NR0B1: variants seen among roughly 807,000 people sequenced by gnomAD.
NR0B1 encodes the protein nuclear receptor subfamily 0 group B member 1.
NR0B1 carries 3 observed loss-of-function variants against 23.0 expected under a neutral mutation model. The ratio of observed to expected loss-of-function variants is 0.13; its 90% CI spans 0.06 to 0.34. The LOEUF is 0.34. Ranked by LOEUF, NR0B1 falls within the 10% of genes least tolerant of loss-of-function variation. The pLI, the probability that NR0B1 is intolerant of heterozygous loss-of-function variation, is 1.00. For missense variants in NR0B1, 350 were observed against 402.9 expected (o/e 0.87, Z 1.12); for synonymous variants, 205 against 184.0 (o/e 1.11, Z -0.92).
At chrX:30,306,151 G>T (rs781073697) in intron 1 of NR0B1, among the ~76,000 whole-genome samples, 3 of 111,398 alleles carry the variant, frequency 2.7e-5, no homozygotes, top group South Asian at 7.7e-4. Flanking sequence ...GAAGAGGCTT[G>T]CATGAAACTC....
At position 30,308,980 on chromosome X, in the gene NR0B1, G is replaced by A; in HGVS notation, c.384C>T (p.Leu128=). Residue 128 remains leucine, a synonymous_variant, in exon 1 of 2, where the codon CTC becomes CTT. Coordinates refer to ENST00000378970, the MANE Select transcript of NR0B1 (RefSeq NM_000475.5). ...AGLPGGRPVA[L]LYRCCFCGED... Reference sequence around the variant, plus strand: ...CACCACAAAAGCAGCAGCGGTACAGGAGTGCCACGGGCCGCCCACCCGGAA... The same window carrying A: ...CACCACAAAAGCAGCAGCGGTACAGAAGTGCCACGGGCCGCCCACCCGGAA... The A allele has an allele frequency of 7.4e-6, 9 of 1,210,022 alleles. No individual in the cohort carries two copies. The highest frequency in any genetic ancestry group is 3.0e-5 in the East Asian group (1 of 33,717).
chrX:30,308,082 G>T, intron 1 of NR0B1, 114 bp downstream of exon 1: 3 of 604,166 alleles, frequency 5.0e-6, no homozygotes, highest in South Asian at 4.8e-5. Flanking sequence ...CTTCACCTTT[G>T]CCCCGACACT....
chrX:30,307,891 G>A (rs751749265), intron 1 of NR0B1, among the ~76,000 whole-genome samples: 1 of 111,994 alleles, frequency 8.9e-6, no homozygotes, highest in Non-Finnish European at 1.9e-5. Flanking sequence ...AGCTAAAGAA[G>A]AAAGAATAAC....
chrX:30,307,845 T>A (rs1246848053), intron 1 of NR0B1, among the ~76,000 whole-genome samples: 1 of 112,416 alleles, frequency 8.9e-6, no homozygotes, highest in African/African-American at 3.2e-5. Flanking sequence ...AGCAAAAACT[T>A]TTTTTAGAAA....
Position 30,308,654 on chromosome X carries a change from T to A in NR0B1, c.710A>T (p.Asp237Val), listed in dbSNP as rs764132319. ...CGGCCGCAGCGCACCAGAGGAGGTGTCCCACCAGGGGGCCCTCGGCCGCTC... is the reference window on the plus strand; with the variant it reads ...CGGCCGCAGCGCACCAGAGGAGGTGACCCACCAGGGGGCCCTCGGCCGCTC... ...PEERPRAPWW[D>V]TSSGALRPVA... Residue 237 changes from aspartate to valine, a missense_variant, in exon 1 of 2, where the codon GAC (aspartate) becomes GTC (valine). Coordinates refer to ENST00000378970, the MANE Select transcript of NR0B1 (RefSeq NM_000475.5). The A allele has an allele frequency of 4.1e-6, 5 of 1,205,165 alleles. No individual in the cohort carries two copies. In the Admixed American group the frequency reaches 8.8e-5, roughly 21 times the overall value.
At position 30,304,368 on chromosome X, in the gene NR0B1, T is replaced by C. The variant is rs1443563312; in HGVS notation, c.*211A>G. The C allele has an allele frequency of 7.4e-6, 3 of 407,740 alleles. No homozygotes were observed. The highest frequency in any genetic ancestry group is 1.3e-5 in the Non-Finnish European group (3 of 238,220). 33.6% of individuals were successfully genotyped at this position (407,740 alleles called of 1,213,427 possible). A position where few individuals can be genotyped will look rare whatever the true frequency, so the allele number is the denominator to read the frequency against. ...TTTTAAAAGATGTACAGAGCTATGC[T>C]ACCTGTTGGCAAATGTCTTCTTTAA... On this transcript the variant is annotated 3_prime_UTR_variant, in exon 2 of 2. Transcript: ENST00000378970.
At position 30,308,528 on chromosome X, in the gene NR0B1, G is replaced by C. The variant is rs1926570030; in HGVS notation, c.836C>G (p.Pro279Arg). 8.3e-7 allele frequency: 1 copy of C among 1,202,528 alleles called. No individual in the cohort carries two copies. The highest frequency in any genetic ancestry group is 1.7e-5 in the African/African-American group (1 of 57,230). The change falls in exon 1 of 2, where the codon CCC (proline) becomes CGC (arginine). Residue 279 changes from proline (P) to arginine (R), a missense_variant. Coordinates refer to ENST00000378970, the MANE Select transcript of NR0B1 (RefSeq NM_000475.5). ...CACCAGCACCAGCTGCTGGTCCAGGGGCAGCACCTGGAAGCAGGGCAAGTA... is the reference window on the plus strand; with the variant it reads ...CACCAGCACCAGCTGCTGGTCCAGGCGCAGCACCTGGAAGCAGGGCAAGTA... ...VKYLPCFQVL[P>R]LDQQLVLVRN...
chrX:30,309,007 C>A lies in NR0B1; in HGVS notation c.357G>T (p.Gly119=), dbSNP rs1926592206. Residue 119 remains glycine, a synonymous_variant, in exon 1 of 2, where the codon GGG becomes GGT. Transcript: ENST00000378970. ...GTGCCACGGGCCGCCCACCCGGAAG[C>A]CCCGCTCTGCCCACCCCGGGATCAG... ...CGSDPGVGRA[G]LPGGRPVALL... 2 of 1,209,561 alleles carry A rather than the reference C, an allele frequency of 1.7e-6. No individual in the cohort carries two copies. Among genetic ancestry groups the A allele is most frequent in the African/African-American group, 3.5e-5 (2 of 57,622 alleles).
At chrX:30,307,345 A>C (rs1220232556) in intron 1 of NR0B1, among the ~76,000 whole-genome samples, 1 of 111,302 alleles carries the variant, frequency 9.0e-6, no homozygotes, top group Non-Finnish European at 1.9e-5. Flanking sequence ...ACAACCTGAA[A>C]GTTTAGTGCA....
At position 30,308,715 on chromosome X, in the gene NR0B1, G is replaced by T; in HGVS notation, c.649C>A (p.Pro217Thr). ...GCCTGCGCTTGATTTGTGCTCGTGGGCACGCAGTAGAGGGTGCTGCCCTGC... is the reference window on the plus strand; with the variant it reads ...GCCTGCGCTTGATTTGTGCTCGTGGTCACGCAGTAGAGGGTGCTGCCCTGC... ...PQQGSTLYCV[P>T]TSTNQAQAAP... Residue 217 changes from proline (P) to threonine (T), a missense_variant, in exon 1 of 2, where the codon CCC (proline) becomes ACC (threonine). Pro to Thr is a conservative substitution (Grantham distance 38). This residue lies in a region of NR0B1 where 298 missense variants were observed against 314.0 expected (regional missense o/e 0.95). Coordinates refer to ENST00000378970, the MANE Select transcript of NR0B1 (RefSeq NM_000475.5). The T allele has an allele frequency of 8.3e-7, 1 of 1,199,370 alleles. No individual in the cohort carries two copies. Among genetic ancestry groups the T allele is most frequent in the South Asian group, 1.8e-5 (1 of 55,200 alleles).
chrX:30,307,645 A>G lies in NR0B1; in HGVS notation c.1168+551T>C, dbSNP rs911663039. On this transcript the variant is annotated intron_variant, in intron 1 of 1. Transcript: ENST00000378970. Reference sequence around the variant, plus strand: ...CCAGATGCTTAGGACCATACAAATAACCATTCAGAGGCAGGCCCATGAAAC... The same window carrying G: ...CCAGATGCTTAGGACCATACAAATAGCCATTCAGAGGCAGGCCCATGAAAC... Among the ~76,000 whole-genome samples the G allele has an allele frequency of 1.7e-4, 19 of 110,852 alleles. No individual in the cohort carries two copies. The Admixed American group carries it at 1.8e-3, about 11-fold the overall frequency.
Position 30,308,764 on chromosome X carries a change from G to C in NR0B1, c.600C>G (p.Cys200Trp), listed in dbSNP as rs143141578. 4.4e-4 allele frequency: 525 copies of C among 1,195,070 alleles called. 1 individual carries two copies. Among genetic ancestry groups the C allele is most frequent in the Non-Finnish European group, 5.8e-4 (514 of 887,873 alleles). The change falls in exon 1 of 2, where the codon TGC becomes TGG. Residue 200 changes from cysteine (C) to tryptophan (W), a missense_variant. Around this residue, in one of 2 missense-constraint regions of NR0B1, gnomAD observed 298 missense variants for 314.0 expected, o/e 0.95. Transcript: ENST00000378970. ...GCTGCGGGTGGTCTTCACCGCAAAA[G>C]CAGCAGCGGTACAGAAGCGCCGTGG... ...GRATALLYRC[C>W]FCGEDHPQQG...
chrX:30,305,699 G>C, intron 1 of NR0B1: 1 of 384,731 alleles, frequency 2.6e-6, no homozygotes. Context: ...GTTTTTATAA[G>C]GAAAGTAATA....
In NR0B1 at chrX:30,304,568, C is replaced by T. The variant is rs2070828768; in HGVS notation, c.*11G>A. 8.3e-7 allele frequency: 1 copy of T among 1,209,447 alleles called. No homozygotes were observed. Among genetic ancestry groups the T allele is most frequent in the Admixed American group, 2.2e-5 (1 of 45,795 alleles). On this transcript the variant is annotated 3_prime_UTR_variant, in exon 2 of 2. Transcript: ENST00000378970. ...GAACTGCACTACTGCACTTGTGTGG[C>T]CCACATGACTTTATATCTTTGTACA...
At position 30,304,367 on chromosome X, in the gene NR0B1, C is replaced by T. The variant is rs1926481564; in HGVS notation, c.*212G>A. 9.9e-6 allele frequency: 4 copies of T among 402,327 alleles called. No homozygotes were observed. The highest frequency in any genetic ancestry group is 1.7e-5 in the Non-Finnish European group (4 of 235,079). 33.2% of individuals were successfully genotyped at this position (402,327 alleles called of 1,213,427 possible). A position where few individuals can be genotyped will look rare whatever the true frequency, so the allele number is the denominator to read the frequency against. ...TTTTTAAAAGATGTACAGAGCTATG[C>T]TACCTGTTGGCAAATGTCTTCTTTA... On this transcript the variant is annotated 3_prime_UTR_variant, in exon 2 of 2. Coordinates refer to ENST00000378970, the MANE Select transcript of NR0B1 (RefSeq NM_000475.5).
chrX:30,307,238 T>C lies in NR0B1; in HGVS notation c.1168+958A>G, dbSNP rs2147005698. Among the ~76,000 whole-genome samples, 2 of 112,189 alleles carry C rather than the reference T, an allele frequency of 1.8e-5. 1 individual carries two copies. The highest frequency in any genetic ancestry group is 7.5e-4 in the South Asian group (2 of 2,671). ...CGCTGGTTGAAGATGATTCTAATAG[T>C]GAGAAACACCCAAGACAAGGTGCCT... On this transcript the variant is annotated intron_variant, in intron 1 of 1. Coordinates refer to ENST00000378970, the MANE Select transcript of NR0B1 (RefSeq NM_000475.5).
Position 30,304,431 on chromosome X carries a change from A to T in NR0B1, c.*148T>A. 3.0e-6 allele frequency: 2 copies of T among 670,775 alleles called. No homozygotes were observed. Among genetic ancestry groups the T allele is most frequent in the Middle Eastern group, 3.6e-4 (1 of 2,795 alleles). The allele number at this position is 670,775 out of a possible 1,213,427, so 55.3% of individuals were successfully genotyped here. Reference sequence around the variant, plus strand: ...GAAATTTGTGACTGTCTGGAATAAAATTATTTCTTTAATTGAATACAAAAA... The same window carrying T: ...GAAATTTGTGACTGTCTGGAATAAATTTATTTCTTTAATTGAATACAAAAA... On this transcript the variant is annotated 3_prime_UTR_variant, in exon 2 of 2. Transcript: ENST00000378970.
At position 30,309,001 on chromosome X, in the gene NR0B1, C is replaced by T. The variant is rs760821998; in HGVS notation, c.363G>A (p.Pro121=). 1 of 1,210,293 alleles carries T rather than the reference C, an allele frequency of 8.3e-7. No homozygotes were observed. Among genetic ancestry groups the T allele is most frequent in the African/African-American group, 1.7e-5 (1 of 57,628 alleles). Residue 121 remains proline, a synonymous_variant, in exon 1 of 2, where the codon CCG becomes CCA. Transcript: ENST00000378970. The stretch of plus-strand genomic sequence containing the variant: ...ACAGGAGTGCCACGGGCCGCCCACC[C>T]GGAAGCCCCGCTCTGCCCACCCCGG... The part of the protein sequence containing the change: ...SDPGVGRAGL[P]GGRPVALLYR...
chrX:30,306,692 C>T (rs1418969285), intron 1 of NR0B1, among the ~76,000 whole-genome samples: 5 of 110,347 alleles, frequency 4.5e-5, no homozygotes, highest in Non-Finnish European at 9.5e-5. Flanking sequence ...GGAAGCTGAG[C>T]CCCTCTCACC....
Sources: gnomAD v4.1 joint callset for allele counts (sites outside exome capture counted in the v4.1 genomes callset) on GRCh38, gnomAD v4.1.1 for gene constraint, gnomAD v4.1.1 regional missense constraint, MANE v1.5 for transcripts, NCBI Gene and HGNC (gene_info 2026-07-23, HGNC 2026-07-21) for gene names.